ARMCX4: variants seen among roughly 807,000 people sequenced by gnomAD.
The protein encoded by ARMCX4 is armadillo repeat-containing X-linked protein 4.
In ARMCX4, 3 loss-of-function variants were observed where a neutral mutation model predicts 34.7. That is an observed-to-expected ratio of 0.09 (90% confidence interval 0.04 to 0.22). The LOEUF is 0.22. ARMCX4 is among the 10% of genes least tolerant of loss of function. The pLI, the probability that ARMCX4 is intolerant of heterozygous loss-of-function variation, is 1.00. For missense variants in ARMCX4, 1,448 were observed against 1,720.8 expected, an observed-to-expected ratio of 0.84 and a Z score of 2.81; for synonymous variants, 513 against 632.8, an observed-to-expected ratio of 0.81 and a Z score of 2.84.
chrX:101,520,557 A>G (rs145479306), intron 11 of ARMCX4, among the ~76,000 whole-genome samples: 4 of 112,257 alleles, frequency 3.6e-5, no homozygotes, highest in East Asian at 5.6e-4. Context: ...TAAATCTGGC[A>G]TATTACGTTG....
intron 11 of ARMCX4, among the ~76,000 whole-genome samples, chrX:101,529,396 G>A (rs1163309744): frequency 9.0e-6 from 1 of 111,680 alleles, no homozygotes; most frequent in Non-Finnish European, 1.9e-5. Context: ...GAAAACCTAG[G>A]CAATACCATT....
downstream of ARMCX4, among the ~76,000 whole-genome samples, chrX:101,446,748 G>A (rs967556709): frequency 9.1e-6 from 1 of 110,158 alleles, no homozygotes; most frequent in Admixed American, 9.7e-5. Flanking sequence ...GAGGTCAGAA[G>A]TTCAAGACCA....
At chrX:101,443,306 C>A (rs1245828675) in intron 2 of ARMCX4, among the ~76,000 whole-genome samples, 1 of 110,683 alleles carries the variant, frequency 9.0e-6, no homozygotes, top group Non-Finnish European at 1.9e-5. Context: ...CTGTCCCTTC[C>A]ATCATGTGAA....
chrX:101,522,646 A>G (rs1556019413), intron 11 of ARMCX4, among the ~76,000 whole-genome samples: 1 of 111,784 alleles, frequency 8.9e-6, no homozygotes, highest in Non-Finnish European at 1.9e-5. Context: ...TCCATTTACT[A>G]TATTTTAGAA....
chrX:101,492,801 G>A lies in ARMCX4; in HGVS notation c.4212G>A (p.Gly1404=), dbSNP rs1934036067. 2.6e-6 allele frequency: 3 copies of A among 1,155,382 alleles called. No individual in the cohort carries two copies. The South Asian group carries it at 5.7e-5, about 22-fold the overall frequency. The part of the protein sequence containing the change: ...NQTTEEGSWA[G]AGGQAGGGSK... ...CCACAGAAGAAGGGTCTTGGGCTGGGGCTGGTGGCCAGGCTGGTGGAGGGT... is the reference window on the plus strand; with the variant it reads ...CCACAGAAGAAGGGTCTTGGGCTGGAGCTGGTGGCCAGGCTGGTGGAGGGT... The change falls in exon 6 of 6, where the codon GGG becomes GGA. Residue 1404 remains glycine, a synonymous_variant. Coordinates refer to ENST00000423738, the MANE Select transcript of ARMCX4 (RefSeq NM_001256155.3).
intron 7 of ARMCX4, among the ~76,000 whole-genome samples, chrX:101,501,446 A>G (rs1332191718): frequency 8.9e-6 from 1 of 112,813 alleles, no homozygotes; most frequent in Non-Finnish European, 1.9e-5. Context: ...TGGCTGCTCC[A>G]TGGACAGACC....
intron 2 of ARMCX4, among the ~76,000 whole-genome samples, chrX:101,429,188 G>A (rs879948383): frequency 1.8e-5 from 2 of 110,827 alleles, no homozygotes; most frequent in Admixed American, 9.7e-5. Flanking sequence ...AACAGCTGGC[G>A]TTATAGGAAT....
chrX:101,478,224 G>A (rs1423232935), intron 4 of ARMCX4, among the ~76,000 whole-genome samples: 6 of 112,039 alleles, frequency 5.4e-5, no homozygotes, highest in African/African-American at 1.6e-4. Flanking sequence ...CAATATAAAT[G>A]TCTTTTGAGA....
In ARMCX4 at chrX:101,493,583, A is replaced by G. The variant is rs1556010437; in HGVS notation, c.4994A>G (p.Gln1665Arg). ...TGTTCCAAGCCTGAATTTGAGGATC[A>G]GGCTTGTGGAGGAGGCTCCTGGGCT... ...VDCSKPEFED[Q>R]ACGGGSWAGA... The change falls in exon 6 of 6, where the codon CAG (glutamine) becomes CGG (arginine). Residue 1665 changes from glutamine (Q) to arginine (R), a missense_variant. Gln to Arg is a conservative substitution (Grantham distance 43). Coordinates refer to ENST00000423738, the MANE Select transcript of ARMCX4 (RefSeq NM_001256155.3). The G allele has an allele frequency of 8.7e-7, 1 of 1,154,165 alleles. No homozygotes were observed. The highest frequency in any genetic ancestry group is 2.6e-5 in the Admixed American group (1 of 38,474).
Position 101,488,847 on chromosome X carries a change from A to C in ARMCX4, c.258A>C (p.Glu86Asp), listed in dbSNP as rs1556007655. 1 of 1,155,949 alleles carries C rather than the reference A, an allele frequency of 8.7e-7. No individual in the cohort carries two copies. Among genetic ancestry groups the C allele is most frequent in the Admixed American group, 2.6e-5 (1 of 38,733 alleles). ...ETGARSGPRA[E>D]VETKATAIAI... is the part of the protein sequence containing the mutation. ...GAGCAAGAAGTGGGCCTAGGGCTGA[A>C]GTAGAGACCAAGGCCACTGCTATAG... Residue 86 changes from glutamate (E) to aspartate (D), a missense_variant, in exon 6 of 6, where the codon GAA becomes GAC. Physicochemically the swap from Glu to Asp is conservative, Grantham distance 45. Transcript: ENST00000423738.
intron 2 of ARMCX4, among the ~76,000 whole-genome samples, chrX:101,440,203 C>T (rs2147559422): frequency 8.9e-6 from 1 of 112,191 alleles, no homozygotes; most frequent in East Asian, 2.8e-4. Flanking sequence ...ACAGACAGGA[C>T]CCTCAGCTTC....
At chrX:101,530,927 T>C (rs1284244916) in intron 11 of ARMCX4, among the ~76,000 whole-genome samples, 2 of 112,169 alleles carry the variant, frequency 1.8e-5, no homozygotes. Context: ...AAAATAGCTG[T>C]TACACTAGTT....
At chrX:101,533,849 G>A (rs187073051), downstream of ARMCX4, among the ~76,000 whole-genome samples, 1 of 111,383 alleles carries the variant, frequency 9.0e-6, no homozygotes, top group East Asian at 2.8e-4. Flanking sequence ...AGTTAATGCA[G>A]TCAACCAAGA....
chrX:101,482,050 A>G (rs1933473429), upstream of ARMCX4, among the ~76,000 whole-genome samples: 1 of 111,174 alleles, frequency 9.0e-6, no homozygotes, highest in African/African-American at 3.3e-5. Context: ...CCTAGCCAAC[A>G]TGGTGAAACC....
chrX:101,534,670 T>TA (rs782269107), downstream of ARMCX4, among the ~76,000 whole-genome samples: 40 of 103,610 alleles, frequency 3.9e-4, no homozygotes, highest in Middle Eastern at 5.0e-3. Context: ...GACTTCGAAG[T>TA]AAAAAAAAAA....
chrX:101,509,469 A>G (rs1934528607), intron 9 of ARMCX4: 1 of 111,992 alleles, frequency 8.9e-6, no homozygotes, highest in Non-Finnish European at 1.9e-5. Context: ...AAAAAATTTT[A>G]TGTAAGCAAA....
In ARMCX4 at chrX:101,495,065, A is replaced by G; in HGVS notation, c.6476A>G (p.His2159Arg). 3.5e-6 allele frequency: 4 copies of G among 1,151,948 alleles called. No individual in the cohort carries two copies. Among genetic ancestry groups the G allele is most frequent in the Non-Finnish European group, 4.6e-6 (4 of 869,140 alleles). The allele number at this position is 1,151,948 out of a possible 1,213,427, so 94.9% of individuals were successfully genotyped here. A position where few individuals can be genotyped will look rare whatever the true frequency, so the allele number is the denominator to read the frequency against. Residue 2159 changes from histidine to arginine, a missense_variant, in exon 6 of 6, where the codon CAT (histidine) becomes CGT (arginine). Around this residue, in one of 2 missense-constraint regions of ARMCX4, gnomAD observed 105 missense variants for 180.2 expected, o/e 0.58. Coordinates refer to ENST00000423738, the MANE Select transcript of ARMCX4 (RefSeq NM_001256155.3). Reference protein sequence around the residue: ...RHLTITSEYQHMVTNYISEFL... With the variant: ...RHLTITSEYQRMVTNYISEFL... ...CTGACTATTACCAGTGAATATCAGCATATGGTTACAAATTATATTTCAGAA... is the reference window on the plus strand; with the variant it reads ...CTGACTATTACCAGTGAATATCAGCGTATGGTTACAAATTATATTTCAGAA...
chrX:101,475,202 C>T (rs1235342877), intron 4 of ARMCX4, among the ~76,000 whole-genome samples: 9 of 110,390 alleles, frequency 8.2e-5, no homozygotes. Flanking sequence ...GTAGTCCCAG[C>T]TACTCAGGAG....
chrX:101,452,312 A>G (rs1293192667), downstream of ARMCX4, among the ~76,000 whole-genome samples: 1 of 111,940 alleles, frequency 8.9e-6, no homozygotes, highest in Non-Finnish European at 1.9e-5. Flanking sequence ...AATACGTGCT[A>G]CATGACTCAG....
Sources: gnomAD v4.1 joint callset for allele counts (sites outside exome capture counted in the v4.1 genomes callset) on GRCh38, gnomAD v4.1.1 for gene constraint, gnomAD v4.1.1 regional missense constraint, MANE v1.5 for transcripts, NCBI Gene and HGNC (gene_info 2026-07-23, HGNC 2026-07-21) for gene names.